Variants in LRMDA observed in about 807,000 individuals in gnomAD.
The protein encoded by LRMDA is leucine rich melanocyte differentiation associated, also known as leucine-rich melanocyte differentiation-associated protein.
Under a neutral mutation model 29.8 loss-of-function variants are expected in LRMDA, and 18 were observed. The observed-to-expected ratio is 0.60, with a 90% CI of 0.42 to 0.90. The LOEUF is 0.90. Among genes scored for constraint, LRMDA ranks in the 40% least tolerant of loss-of-function variants. LRMDA has a pLI of 0.00. For missense variants in LRMDA, 273 were observed against 273.9 expected (o/e 1.00, Z 0.02); for synonymous variants, 125 against 109.4 (o/e 1.14, Z -0.89).
chr10:75,515,643 G>T (rs951216015), intron 2 of LRMDA, among the ~76,000 whole-genome samples: 3 of 152,104 alleles, frequency 2.0e-5, no homozygotes, highest in African/African-American at 7.2e-5. Context: ...GTCTCTCAAA[G>T]AGCTGGGAAT....
At chr10:76,267,242 C>G (rs970662960) in intron 5 of LRMDA, among the ~76,000 whole-genome samples, 3 of 151,986 alleles carry the variant, frequency 2.0e-5, no homozygotes, top group African/African-American at 7.2e-5. Flanking sequence ...GTATAATTCA[C>G]ATACTATATT....
intron 1 of LRMDA, among the ~76,000 whole-genome samples, chr10:75,433,542 TTTTG>T (rs556877972): frequency 9.2e-5 from 14 of 152,180 alleles, no homozygotes; most frequent in South Asian, 2.1e-4. Context: ...GAGGTGGTTT[TTTTG>T]TTTGTTTGTT....
intron 2 of LRMDA, among the ~76,000 whole-genome samples, chr10:75,734,298 T>C (rs1335643210): frequency 6.6e-6 from 1 of 152,126 alleles, no homozygotes; most frequent in Non-Finnish European, 1.5e-5. Flanking sequence ...AAATCACACA[T>C]GGGCGTAGAG....
intron 2 of LRMDA, among the ~76,000 whole-genome samples, chr10:75,892,757 T>C (rs748600914): frequency 3.3e-5 from 5 of 152,134 alleles, no homozygotes; most frequent in Non-Finnish European, 5.9e-5. Context: ...TACTCACTGG[T>C]CCTGGGTTGG....
At chr10:75,750,159 G>T (rs1197390552) in intron 2 of LRMDA, among the ~76,000 whole-genome samples, 1 of 152,196 alleles carries the variant, frequency 6.6e-6, no homozygotes, top group African/African-American at 2.4e-5. Flanking sequence ...TCCCAGACGG[G>T]GTGGCGGCTG....
At chr10:76,321,469 T>A (rs953800578) in intron 5 of LRMDA, among the ~76,000 whole-genome samples, 2 of 152,166 alleles carry the variant, frequency 1.3e-5, no homozygotes, top group Non-Finnish European at 2.9e-5. Flanking sequence ...ACTGTTCAGG[T>A]TTTCTCATCT....
intron 2 of LRMDA, among the ~76,000 whole-genome samples, chr10:75,666,696 T>TG (rs1022557617): frequency 2.0e-5 from 3 of 152,198 alleles, no homozygotes; most frequent in African/African-American, 7.2e-5. Context: ...GGTAGATGGT[T>TG]GGTTTTTTTT....
chr10:76,456,104 G>A (rs569896046), intron 6 of LRMDA, among the ~76,000 whole-genome samples: 4 of 152,212 alleles, frequency 2.6e-5, no homozygotes, highest in African/African-American at 4.8e-5. Flanking sequence ...ATCTCTACCC[G>A]AAAATAGTCG....
At chr10:75,862,770 G>A (rs912927506) in intron 2 of LRMDA, among the ~76,000 whole-genome samples, 1 of 152,136 alleles carries the variant, frequency 6.6e-6, no homozygotes, top group Non-Finnish European at 1.5e-5. Context: ...CTAAATCAGG[G>A]CTGTAATTGA....
chr10:76,409,948 G>C (rs1185142182), intron 6 of LRMDA, among the ~76,000 whole-genome samples: 1 of 152,166 alleles, frequency 6.6e-6, no homozygotes, highest in Non-Finnish European at 1.5e-5. Context: ...ACATTTGAAG[G>C]AATGTAGAAT....
chr10:76,207,762 G>A (rs147791541), intron 5 of LRMDA, among the ~76,000 whole-genome samples: 1,985 of 152,190 alleles, frequency 0.013, 45 homozygotes, highest in African/African-American at 0.046. Flanking sequence ...TCAGGAGATC[G>A]AGACCAGCCT....
intron 2 of LRMDA, among the ~76,000 whole-genome samples, chr10:75,617,707 G>C (rs1161855425): frequency 6.6e-6 from 1 of 152,130 alleles, no homozygotes; most frequent in Non-Finnish European, 1.5e-5. Context: ...CATTTTTCAG[G>C]ACTGCTCCAT....
At chr10:75,632,389 AAG>A (rs1473698921) in intron 2 of LRMDA, among the ~76,000 whole-genome samples, 2 of 152,200 alleles carry the variant, frequency 1.3e-5, no homozygotes, top group South Asian at 2.1e-4. Context: ...CTAAAAAGAA[AAG>A]AGTGTTGTGT....
At chr10:75,721,288 G>A (rs879534212) in intron 2 of LRMDA, among the ~76,000 whole-genome samples, 4 of 152,136 alleles carry the variant, frequency 2.6e-5, no homozygotes, top group African/African-American at 4.8e-5. Context: ...TCTGTGTGGG[G>A]ATGGAGAGGA....
At chr10:76,003,598 G>A (rs1196327956) in intron 2 of LRMDA, among the ~76,000 whole-genome samples, 1 of 152,216 alleles carries the variant, frequency 6.6e-6, no homozygotes, top group Non-Finnish European at 1.5e-5. Context: ...AGTCCCGGGT[G>A]GAAGTGGCAG....
At chr10:75,784,872 G>C (rs1843446094) in intron 2 of LRMDA, among the ~76,000 whole-genome samples, 1 of 152,148 alleles carries the variant, frequency 6.6e-6, no homozygotes, top group African/African-American at 2.4e-5. Context: ...TTTGAGCTAG[G>C]CTGATTCCAA....
At chr10:76,146,458 T>C (rs1850323739) in intron 5 of LRMDA, among the ~76,000 whole-genome samples, 1 of 151,508 alleles carries the variant, frequency 6.6e-6, no homozygotes. Flanking sequence ...GCCTTCTTTG[T>C]CTCTTTTTAT....
At chr10:75,706,259 T>G (rs1251385916) in intron 2 of LRMDA, among the ~76,000 whole-genome samples, 1 of 152,210 alleles carries the variant, frequency 6.6e-6, no homozygotes, top group Admixed American at 6.5e-5. Flanking sequence ...TTTTTGCCAT[T>G]TTAGCAGTAT....
intron 5 of LRMDA, among the ~76,000 whole-genome samples, chr10:76,322,594 C>T (rs555842656): frequency 6.6e-6 from 1 of 152,284 alleles, no homozygotes; most frequent in East Asian, 1.9e-4. Flanking sequence ...ATGTGTAGCA[C>T]AGTCAGAGAT....
Sources: gnomAD v4.1 joint callset for allele counts (sites outside exome capture counted in the v4.1 genomes callset) on GRCh38, gnomAD v4.1.1 for gene constraint, MANE v1.5 for transcripts, NCBI Gene and HGNC (gene_info 2026-07-23, HGNC 2026-07-21) for gene names.